Variants in MX1 observed in about 807,000 individuals in gnomAD.
MX1 encodes the protein interferon-induced GTP-binding protein Mx1.
A neutral mutation model predicts 66.4 loss-of-function variants in MX1; 66 were observed. The ratio of observed to expected loss-of-function variants is 0.99; its 90% CI spans 0.82 to 1.22. MX1 has a LOEUF of 1.22. Ranked by LOEUF, MX1 falls within the 50% of genes most tolerant of loss-of-function variation. The probability of loss-of-function intolerance (pLI) is 0.00; values close to 1 mark genes in which losing one functional copy is unlikely to be tolerated. For synonymous variants in MX1, 311 were observed against 318.1 expected, an observed-to-expected ratio of 0.98 and a Z score of 0.24; for missense variants, 787 against 834.3, an observed-to-expected ratio of 0.94 and a Z score of 0.70.
rs114905028 is a variant in MX1 at position 41,448,998 on chromosome 21, G to C, written c.1274-139G>C. Reference sequence around the variant, plus strand: ...TGTGTGTAATCCCTGGATATTTTTAGTTTACCAGTTAGATTTGATTTGATA... The same window carrying C: ...TGTGTGTAATCCCTGGATATTTTTACTTTACCAGTTAGATTTGATTTGATA... On this transcript the variant is annotated intron_variant, in intron 13 of 16. Transcript: ENST00000398598. The C allele has an allele frequency of 3.6e-3, 1,965 of 539,288 alleles. 33 individuals are homozygous for C. The highest frequency in any genetic ancestry group is 0.03 in the African/African-American group (1,586 of 52,166). 33.4% of individuals were successfully genotyped at this position (539,288 alleles called of 1,614,324 possible).
At chr21:41,449,640 A>G (rs772029485) in intron 14 of MX1, 5 of 190,696 alleles carry the variant, frequency 2.6e-5, no homozygotes, top group Non-Finnish European at 5.3e-5. Context: ...ACTCTGGAAC[A>G]CACTTCACTG....
intron 16 of MX1, among the ~76,000 whole-genome samples, chr21:41,457,375 A>G (rs561294289): frequency 6.6e-6 from 1 of 152,362 alleles, no homozygotes; most frequent in Non-Finnish European, 1.5e-5. Context: ...CATACTTTAA[A>G]AGGACTTTGT....
chr21:41,451,877 G>A (rs2090841413), intron 15 of MX1, among the ~76,000 whole-genome samples: 1 of 151,026 alleles, frequency 6.6e-6, no homozygotes, highest in African/African-American at 2.4e-5. Flanking sequence ...TCCATCCAGA[G>A]TGAGGAAAGA....
At position 41,435,888 on chromosome 21, in the gene MX1, A is replaced by C. The variant is rs764277171; in HGVS notation, c.157A>C (p.Ile53Leu). The change falls in exon 6 of 17, where the codon ATC becomes CTC. Residue 53 changes from isoleucine (I) to leucine (L), a missense_variant. Transcript: ENST00000398598. ...GTATGAGGAGAAGGTGCGCCCCTGCATCGACCTCATTGACTCCCTGCGGGC... is the reference window on the plus strand; with the variant it reads ...GTATGAGGAGAAGGTGCGCCCCTGCCTCGACCTCATTGACTCCCTGCGGGC... The part of the protein sequence containing the change: ...SQYEEKVRPC[I>L]DLIDSLRALG... 1 of 1,614,208 alleles carries C rather than the reference A, an allele frequency of 6.2e-7. No homozygotes were observed. Among genetic ancestry groups the C allele is most frequent in the Non-Finnish European group, 8.5e-7 (1 of 1,180,026 alleles).
intron 14 of MX1, among the ~76,000 whole-genome samples, chr21:41,450,147 G>A (rs1409541762): frequency 1.3e-5 from 2 of 152,134 alleles, no homozygotes; most frequent in East Asian, 1.9e-4. Context: ...ACTCAAAATC[G>A]GCTGTTTATT....
intron 5 of MX1, among the ~76,000 whole-genome samples, chr21:41,434,989 T>C (rs1333494573): frequency 6.6e-6 from 1 of 152,252 alleles, no homozygotes; most frequent in African/African-American, 2.4e-5. Flanking sequence ...TTTGAATGGC[T>C]AAAAAAGTCT....
chr21:41,436,963 T>C, intron 6 of MX1, 52 bp from the exon 7 acceptor site: 2 of 1,606,030 alleles, frequency 1.2e-6, no homozygotes, highest in Admixed American at 1.7e-5. Flanking sequence ...TAAGGCGCTA[T>C]GTAGGTCTTT....
chr21:41,438,783 C>T (rs1255393261), intron 7 of MX1, among the ~76,000 whole-genome samples: 1 of 152,216 alleles, frequency 6.6e-6, no homozygotes. Context: ...TTCTGTCCCT[C>T]TCATATAAGT....
At chr21:41,434,541 T>C (rs996238050) in intron 5 of MX1, among the ~76,000 whole-genome samples, 2 of 152,236 alleles carry the variant, frequency 1.3e-5, no homozygotes, top group African/African-American at 4.8e-5. Context: ...TTTTTCTGCC[T>C]TCTCTTGGAT....
At position 41,445,526 on chromosome 21, in the gene MX1, G is replaced by A. The variant is rs139733063; in HGVS notation, c.1087G>A (p.Asp363Asn). The change falls in exon 12 of 17, where the codon GAC (aspartate) becomes AAC (asparagine). Residue 363 changes from aspartate to asparagine, a missense_variant. Asp to Asn is a conservative substitution (Grantham distance 23). Transcript: ENST00000398598. ...ITEELQKYGV[D>N]IPEDENEKMF... is the part of the protein sequence containing the mutation. ...AGAGGAGCTACAAAAGTATGGTGTC[G>A]ACATACCGGAAGACGAAAATGAAAA... The A allele has an allele frequency of 3.0e-5, 49 of 1,614,030 alleles. No homozygotes were observed. The African/African-American group carries it at 4.3e-4, about 14-fold the overall frequency.
chr21:41,422,447 T>G (rs2090003343), upstream of MX1, among the ~76,000 whole-genome samples: 1 of 152,168 alleles, frequency 6.6e-6, no homozygotes, highest in African/African-American at 2.4e-5. Flanking sequence ...ACTCCTTCAC[T>G]TCAGGCAGGG....
chr21:41,425,661 C>T (rs746552611), upstream of MX1, among the ~76,000 whole-genome samples: 2 of 152,086 alleles, frequency 1.3e-5, no homozygotes, highest in Admixed American at 6.5e-5. Context: ...TCCACACACC[C>T]GTTTCCACCC....
chr21:41,426,039 C>G (rs1462433550), upstream of MX1: 1 of 161,964 alleles, frequency 6.2e-6, no homozygotes, highest in Non-Finnish European at 1.3e-5. Context: ...GCATCTGATT[C>G]AGCAGGCCTG....
intron 16 of MX1, among the ~76,000 whole-genome samples, chr21:41,453,549 G>C (rs566644958): frequency 6.6e-6 from 1 of 152,288 alleles, no homozygotes; most frequent in African/African-American, 2.4e-5. Flanking sequence ...TGTGGATGAT[G>C]ATAATGGATT....
upstream of MX1, among the ~76,000 whole-genome samples, chr21:41,423,748 T>G (rs942347228): frequency 1.3e-5 from 2 of 151,640 alleles, no homozygotes; most frequent in Admixed American, 1.3e-4. Context: ...CCACCTATAC[T>G]CCCCAAGGCC....
chr21:41,451,043 A>G (rs1176520810), intron 14 of MX1, 124 bp from the exon 15 acceptor site: 1 of 630,220 alleles, frequency 1.6e-6, no homozygotes, highest in Non-Finnish European at 2.8e-6. Context: ...CATGGTAAAG[A>G]GAAGAAGGGA....
chr21:41,434,453 A>G (rs2090305998), intron 5 of MX1, among the ~76,000 whole-genome samples: 1 of 152,204 alleles, frequency 6.6e-6, no homozygotes, highest in Non-Finnish European at 1.5e-5. Context: ...TGTGACTGGT[A>G]ATATAATTAG....
At chr21:41,442,045 G>A (rs1213828069) in intron 10 of MX1, 131 bp downstream of exon 10, 9 of 797,306 alleles carry the variant, frequency 1.1e-5, no homozygotes, top group Non-Finnish European at 1.6e-5. Flanking sequence ...GTGTGCGCGT[G>A]TGTGTGTGAC....
intron 6 of MX1, 50 bp from the exon 7 acceptor site, chr21:41,436,965 T>C: frequency 1.2e-6 from 2 of 1,606,464 alleles, no homozygotes; most frequent in Non-Finnish European, 1.7e-6. Context: ...AGGCGCTATG[T>C]AGGTCTTTTA....
Sources: allele counts gnomAD v4.1 joint callset (sites outside exome capture counted in the v4.1 genomes callset), GRCh38; gene constraint gnomAD v4.1.1; transcripts MANE v1.5; gene names NCBI Gene and HGNC (gene_info 2026-07-23, HGNC 2026-07-21).